The following DSCAM variants were observed in gnomAD, a reference collection of about 807,000 sequenced individuals.
The protein encoded by DSCAM is DS cell adhesion molecule, also known as cell adhesion molecule DSCAM.
Under a neutral mutation model 217.7 loss-of-function variants are expected in DSCAM, and 47 were observed. That is an observed-to-expected ratio of 0.22 (90% CI 0.17 to 0.28). The LOEUF is 0.28. Among genes scored for constraint, DSCAM ranks in the 10% least tolerant of loss-of-function variants. DSCAM has a pLI of 1.00. For missense variants in DSCAM, 2,080 were observed against 2,618.3 expected, an observed-to-expected ratio of 0.79 and a Z score of 4.49; for synonymous variants, 1,056 against 1,015.3, an observed-to-expected ratio of 1.04 and a Z score of -0.76.
chr21:40,658,520 C>T (rs2090100758), intron 3 of DSCAM, among the ~76,000 whole-genome samples: 1 of 152,220 alleles, frequency 6.6e-6, no homozygotes. Flanking sequence ...CAAATCCTCA[C>T]CATGGGGCGT....
chr21:40,787,318 T>C (rs1449185420), intron 1 of DSCAM, among the ~76,000 whole-genome samples: 1 of 152,206 alleles, frequency 6.6e-6, no homozygotes, highest in Non-Finnish European at 1.5e-5. Context: ...CTAACTGGCA[T>C]GCCACTATCA....
At chr21:40,401,463 T>C (rs1003967231) in intron 3 of DSCAM, among the ~76,000 whole-genome samples, 7 of 152,168 alleles carry the variant, frequency 4.6e-5, no homozygotes, top group African/African-American at 1.7e-4. Flanking sequence ...ACAAGTATAA[T>C]TGGATCCCGC....
At chr21:40,403,746 C>A (rs1488079242) in intron 3 of DSCAM, among the ~76,000 whole-genome samples, 1 of 151,802 alleles carries the variant, frequency 6.6e-6, no homozygotes, top group Non-Finnish European at 1.5e-5. Context: ...GATAGTTGAG[C>A]CTAAAATGTG....
chr21:40,455,714 A>G (rs1000515352), intron 3 of DSCAM, among the ~76,000 whole-genome samples: 13 of 151,824 alleles, frequency 8.6e-5, no homozygotes, highest in African/African-American at 3.1e-4. Context: ...GGTTGCAGTG[A>G]GCTGAAATCA....
rs2084326906 is a variant in DSCAM, at chr21:40,467,302, C to T, written c.509-98057G>A. On this transcript the variant is annotated intron_variant, in intron 3 of 32. Transcript: ENST00000400454. ...TGTGCATATACACAATGATTTAATC[C>T]CCACAATCTTCTTAAACACACACAC... 2.0e-5 allele frequency among the ~76,000 whole-genome samples: 3 copies of T among 152,106 alleles called. No individual in the cohort carries two copies. In the South Asian group the frequency reaches 6.2e-4, roughly 31 times the overall value.
intron 1 of DSCAM, among the ~76,000 whole-genome samples, chr21:40,792,141 T>TA (rs1437609954): frequency 3.0e-5 from 4 of 131,878 alleles, no homozygotes; most frequent in African/African-American, 2.8e-5. Context: ...CTTCTTCTTT[T>TA]TTTTTTTTTT....
chr21:40,219,720 T>G (rs938893791), intron 11 of DSCAM, among the ~76,000 whole-genome samples: 9 of 152,226 alleles, frequency 5.9e-5, no homozygotes, highest in Non-Finnish European at 1.0e-4. Context: ...TCTGCCAATA[T>G]TCCATATTAT....
intron 3 of DSCAM, among the ~76,000 whole-genome samples, chr21:40,635,690 G>C (rs1349042233): frequency 6.6e-6 from 1 of 152,196 alleles, no homozygotes; most frequent in Non-Finnish European, 1.5e-5. Context: ...AAGCAAATGG[G>C]AGAAATTAAC....
intron 1 of DSCAM, among the ~76,000 whole-genome samples, chr21:40,746,657 G>C (rs529115926): frequency 6.6e-6 from 1 of 151,742 alleles, no homozygotes; most frequent in African/African-American, 2.4e-5. Flanking sequence ...GCAATGGAAA[G>C]GTTATCCAGA....
intron 3 of DSCAM, chr21:40,384,121 A>C (rs370844154): frequency 1.1e-4 from 17 of 152,370 alleles, no homozygotes; most frequent in African/African-American, 3.4e-4. Flanking sequence ...CGTGGGCTGC[A>C]GGGCTGACGT....
At position 40,013,147 on chromosome 21, in the gene DSCAM, C is replaced by G; in HGVS notation, c.5926G>C (p.Gly1976Arg). 1.2e-6 allele frequency: 2 copies of G among 1,613,266 alleles called. No homozygotes were observed. Among genetic ancestry groups the G allele is most frequent in the Admixed American group, 1.7e-5 (1 of 59,970 alleles). Reference sequence around the variant, plus strand: ...TTAGCTGCCTGTCCCAGCTCTGCTCCCTCCCGCTGAGGTAATGTGGCCACG... The same window carrying G: ...TTAGCTGCCTGTCCCAGCTCTGCTCGCTCCCGCTGAGGTAATGTGGCCACG... ...GAVATLPQRE[G>R]AELGQAAKMS... Residue 1976 changes from glycine (G) to arginine (R), a missense_variant, in exon 33 of 33, where the codon GGA becomes CGA. Transcript: ENST00000400454.
intron 1 of DSCAM, among the ~76,000 whole-genome samples, chr21:40,834,427 AAT>A (rs1569060354): frequency 0.011 from 188 of 17,112 alleles, 1 homozygote; most frequent in African/African-American, 0.031. Flanking sequence ...ATAATAATAA[AAT>A]AATAATAATA....
intron 20 of DSCAM, among the ~76,000 whole-genome samples, chr21:40,123,320 C>A (rs1173730959): frequency 6.6e-6 from 1 of 152,134 alleles, no homozygotes; most frequent in Non-Finnish European, 1.5e-5. Flanking sequence ...AGAAAGGAAA[C>A]AAAACCAGTG....
chr21:40,694,844 C>G (rs779045341), intron 2 of DSCAM, among the ~76,000 whole-genome samples: 1 of 151,434 alleles, frequency 6.6e-6, no homozygotes, highest in Non-Finnish European at 1.5e-5. Flanking sequence ...CTGAGGTCTA[C>G]GGTAATAGAT....
intron 3 of DSCAM, among the ~76,000 whole-genome samples, chr21:40,605,958 G>A (rs1339443761): frequency 4.6e-5 from 7 of 151,538 alleles, no homozygotes; most frequent in Middle Eastern, 3.2e-3. Context: ...GTGCCACCAC[G>A]CCCAGCTAAT....
chr21:40,756,989 GTGTGTGTGTGTGTA>G lies in DSCAM; in HGVS notation c.44-48232_44-48219del, dbSNP rs533399333. On this transcript the variant is annotated intron_variant, in intron 1 of 32. Transcript: ENST00000400454. ...CCAACAAATGGTCGTGTGTGTGTGTGTGTGTGTGTGTGTATGTGTGTGTATTTTATTTTTATTTT... is the reference window on the plus strand; with the variant it reads ...CCAACAAATGGTCGTGTGTGTGTGTGTGTGTGTGTATTTTATTTTTATTTT... 1.8e-3 allele frequency among the ~76,000 whole-genome samples: 281 copies of G among 152,114 alleles called. 6 individuals are homozygous for G. The South Asian group carries it at 0.024, about 13-fold the overall frequency.
At position 40,276,075 on chromosome 21, in the gene DSCAM, C is replaced by T. The variant is rs182873795; in HGVS notation, c.2356+22G>A. ...ACCTATGTATTTAAACTAGGTAAAA[C>T]GAAGCATTTCTTCTCTCTTACTTTT... On this transcript the variant is annotated intron_variant, in intron 11 of 32. Coordinates refer to ENST00000400454, the MANE Select transcript of DSCAM (RefSeq NM_001389.5). 190 of 1,536,242 alleles carry T rather than the reference C, an allele frequency of 1.2e-4. 1 individual carries two copies. In the African/African-American group the frequency reaches 2.0e-3, roughly 16 times the overall value.
rs2077084070 is a variant in DSCAM, at chr21:40,604,127, CA to C, written c.508+88682del. Reference sequence around the variant, plus strand: ...AACAGTCTGTTTCTATTTTTCCATTCATTTTTTTTCTCTTTGCATTTTGGTT... The same window carrying C: ...AACAGTCTGTTTCTATTTTTCCATTCTTTTTTTTCTCTTTGCATTTTGGTT... On this transcript the variant is annotated intron_variant, in intron 3 of 32. Transcript: ENST00000400454. 1.3e-5 allele frequency among the ~76,000 whole-genome samples: 2 copies of C among 151,836 alleles called. 1 individual carries two copies. The highest frequency in any genetic ancestry group is 4.2e-4 in the South Asian group (2 of 4,810).
At chr21:40,523,350 G>A (rs550279189) in intron 3 of DSCAM, among the ~76,000 whole-genome samples, 14 of 152,172 alleles carry the variant, frequency 9.2e-5, no homozygotes, top group African/African-American at 2.9e-4. Context: ...AGACTCTAGC[G>A]GGCACGCACA....
Sources: allele counts gnomAD v4.1 joint callset (sites outside exome capture counted in the v4.1 genomes callset), GRCh38; gene constraint gnomAD v4.1.1; transcripts MANE v1.5; gene names NCBI Gene and HGNC (gene_info 2026-07-23, HGNC 2026-07-21).